Variants in MAGI3 observed in about 807,000 individuals in gnomAD.
MAGI3 encodes the protein membrane associated guanylate kinase, WW and PDZ domain containing 3.
Under a neutral mutation model 121.8 loss-of-function variants are expected in MAGI3, and 43 were observed. That is an observed-to-expected ratio of 0.35 (90% CI 0.28 to 0.46). The LOEUF (loss-of-function observed/expected upper bound fraction) is 0.46. MAGI3 is among the 20% of genes least tolerant of loss of function. The pLI, the probability that MAGI3 is intolerant of heterozygous loss-of-function variation, is 1.00. For synonymous variants in MAGI3, 553 were observed against 639.3 expected, an observed-to-expected ratio of 0.86 and a Z score of 2.04; for missense variants, 1,547 against 1,797.3, an observed-to-expected ratio of 0.86 and a Z score of 2.52.
chr1:113,612,479 G>GA (rs11390902), intron 6 of MAGI3, among the ~76,000 whole-genome samples: 152,323 of 152,324 alleles, frequency 1, 76,161 homozygotes, highest in Non-Finnish European at 1. Context: ...AAGGAAAAAA[G>GA]AATAAAATGA....
chr1:113,533,507 A>G (rs759495557), intron 1 of MAGI3, among the ~76,000 whole-genome samples: 1 of 152,204 alleles, frequency 6.6e-6, no homozygotes, highest in Admixed American at 6.5e-5. Flanking sequence ...CTGGGTGACA[A>G]GATCATTTGT....
chr1:113,433,037 A>G (rs1432901088), intron 1 of MAGI3, among the ~76,000 whole-genome samples: 2 of 152,060 alleles, frequency 1.3e-5, no homozygotes, highest in African/African-American at 2.4e-5. Context: ...ATAAATAAAC[A>G]TTATTATTGT....
At position 113,681,288 on chromosome 1, in the gene MAGI3, A is replaced by G; in HGVS notation, c.3280A>G (p.Lys1094Glu). Residue 1094 changes from lysine to glutamate, a missense_variant, in exon 20 of 21, where the codon AAA becomes GAA. By Grantham distance (56) the Lys-to-Glu change is moderately conservative. Transcript: ENST00000307546. ...TGAGCTCATTCAGGCTGGTGGAAAT[A>G]AAGTTCTTCTTCTTTTGAGGCCAGG... ...AIELIQAGGN[K>E]VLLLLRPGTG... 1 of 1,614,168 alleles carries G rather than the reference A, an allele frequency of 6.2e-7. No homozygotes were observed. Among genetic ancestry groups the G allele is most frequent in the South Asian group, 1.1e-5 (1 of 91,084 alleles).
chr1:113,433,857 A>G (rs1303941470), intron 1 of MAGI3, among the ~76,000 whole-genome samples: 2 of 152,204 alleles, frequency 1.3e-5, no homozygotes, highest in Non-Finnish European at 2.9e-5. Flanking sequence ...ACAGGTAATC[A>G]TAATTATTTA....
chr1:113,578,158 T>C (rs940987606), intron 2 of MAGI3, among the ~76,000 whole-genome samples: 4 of 152,186 alleles, frequency 2.6e-5, no homozygotes. Flanking sequence ...GCTCTCTTTA[T>C]CACTCAGTAG....
At chr1:113,398,543 G>A (rs1112085) in intron 1 of MAGI3, among the ~76,000 whole-genome samples, 27,176 of 151,928 alleles carry the variant, frequency 0.18, 3,162 homozygotes, top group East Asian at 0.63. Context: ...TTTGAAACAC[G>A]TAATTATTAT....
At chr1:113,559,592 G>C (rs1374154157) in intron 2 of MAGI3, among the ~76,000 whole-genome samples, 2 of 151,656 alleles carry the variant, frequency 1.3e-5, no homozygotes, top group African/African-American at 2.4e-5. Flanking sequence ...TTTTGAGAGG[G>C]AGTCTCACTC....
chr1:113,400,581 C>A (rs1557735594), intron 1 of MAGI3, among the ~76,000 whole-genome samples: 1 of 152,028 alleles, frequency 6.6e-6, no homozygotes, highest in Non-Finnish European at 1.5e-5. Context: ...ACTTCAAAAG[C>A]CTGTAATAAT....
chr1:113,561,775 AAAAG>A (rs1294296243), intron 2 of MAGI3, among the ~76,000 whole-genome samples: 3 of 152,190 alleles, frequency 2.0e-5, no homozygotes, highest in Non-Finnish European at 4.4e-5. Flanking sequence ...GCGATCAAGA[AAAAG>A]AAAGAAAGAA....
chr1:113,627,089 A>T (rs1651291118), intron 9 of MAGI3, among the ~76,000 whole-genome samples: 1 of 151,722 alleles, frequency 6.6e-6, no homozygotes, highest in Non-Finnish European at 1.5e-5. Flanking sequence ...CCCTCTTAGT[A>T]CTGCTTTTGC....
intron 1 of MAGI3, among the ~76,000 whole-genome samples, chr1:113,525,408 A>G (rs1037140965): frequency 6.6e-6 from 1 of 152,032 alleles, no homozygotes; most frequent in African/African-American, 2.4e-5. Context: ...AGAAGACTAT[A>G]GGGCAGTAGC....
intron 1 of MAGI3, among the ~76,000 whole-genome samples, chr1:113,544,479 A>G (rs1237670943): frequency 6.6e-6 from 1 of 152,260 alleles, no homozygotes; most frequent in Non-Finnish European, 1.5e-5. Flanking sequence ...CTGTGATTTC[A>G]AGGCTAGAGA....
At chr1:113,452,315 T>C (rs1654523010) in intron 1 of MAGI3, among the ~76,000 whole-genome samples, 2 of 152,122 alleles carry the variant, frequency 1.3e-5, no homozygotes. Context: ...AGCTGCTTCA[T>C]TGCAGAATTT....
chr1:113,638,234 A>C (rs879088238), intron 9 of MAGI3, among the ~76,000 whole-genome samples: 1 of 152,192 alleles, frequency 6.6e-6, no homozygotes, highest in East Asian at 1.9e-4. Context: ...TCAACTCGTC[A>C]AAGTCATTCT....
intron 9 of MAGI3, among the ~76,000 whole-genome samples, chr1:113,631,285 G>C (rs1256383226): frequency 6.6e-6 from 1 of 152,096 alleles, no homozygotes; most frequent in African/African-American, 2.4e-5. Context: ...CACTATGATT[G>C]CTCACCTGCT....
intron 1 of MAGI3, among the ~76,000 whole-genome samples, chr1:113,449,171 C>A (rs1210499194): frequency 6.6e-6 from 1 of 150,652 alleles, no homozygotes; most frequent in Non-Finnish European, 1.5e-5. Context: ...ATGTGATATG[C>A]TGGATAGTAA....
At chr1:113,643,656 A>G in intron 10 of MAGI3, 87 bp from the exon 11 acceptor site, 1 of 1,260,138 alleles carries the variant, frequency 7.9e-7, no homozygotes. Context: ...CTAAAAGTTG[A>G]AGCTAGTTTT....
chr1:113,477,648 C>G (rs1655897710), intron 1 of MAGI3, among the ~76,000 whole-genome samples: 1 of 152,160 alleles, frequency 6.6e-6, no homozygotes, highest in Admixed American at 6.5e-5. Context: ...TTCTCTCTGG[C>G]TGCCCTTAAC....
rs755892691 is a variant in MAGI3, at chr1:113,646,643, G to A, written c.2155+1G>A. The A allele has an allele frequency of 2.5e-6, 4 of 1,580,654 alleles. No homozygotes were observed. Among genetic ancestry groups the A allele is most frequent in the Non-Finnish European group, 3.4e-6 (4 of 1,163,722 alleles). On this transcript the variant is annotated splice_donor_variant, in intron 12 of 20. Transcript: ENST00000307546. LOFTEE classifies it high-confidence loss of function. The stretch of plus-strand genomic sequence containing the variant: ...TCTAAGACTTTATATGAAGATAAAC[G>A]TAAGTAGTTGTGGAATATTTCAGGA...
Sources: allele counts gnomAD v4.1 joint callset (sites outside exome capture counted in the v4.1 genomes callset), GRCh38; gene constraint gnomAD v4.1.1; transcripts MANE v1.5; gene names NCBI Gene and HGNC (gene_info 2026-07-23, HGNC 2026-07-21).